Variants in LRRC37A2 observed in about 807,000 individuals in gnomAD.
LRRC37A2 encodes the protein leucine-rich repeat-containing protein 37A2.
A neutral mutation model predicts 68.8 loss-of-function variants in LRRC37A2; 9 were observed. That is an observed-to-expected ratio of 0.13 (90% CI 0.08 to 0.23). LRRC37A2 has a LOEUF of 0.23. Ranked by LOEUF, LRRC37A2 falls within the 10% of genes least tolerant of loss-of-function variation. The pLI is 1.00. For missense variants in LRRC37A2, 168 were observed against 950.4 expected (o/e 0.18, Z 10.82); for synonymous variants, 63 against 367.6 (o/e 0.17, Z 9.48).
the LRRC37A2 span, among the ~76,000 whole-genome samples, chr17:46,767,946 G>T: frequency 6.6e-6 from 1 of 152,052 alleles, no homozygotes; most frequent in African/African-American, 2.4e-5. Context: ...CTGCCACAAC[G>T]CCCGGCTAAT....
the LRRC37A2 span, among the ~76,000 whole-genome samples, chr17:46,620,774 T>TA: frequency 8.1e-4 from 3 of 3,716 alleles, no homozygotes; most frequent in Non-Finnish European, 1.1e-3. Context: ...TCAGAAATAT[T>TA]TAGCAAGTTT....
chr17:46,962,802 A>G, the LRRC37A2 span, among the ~76,000 whole-genome samples: 3,848 of 152,348 alleles, frequency 0.025, 69 homozygotes, highest in Middle Eastern at 0.089. Flanking sequence ...ATCATGAAAG[A>G]TAATGAAGTG....
At chr17:46,861,770 A>G in the LRRC37A2 span, among the ~76,000 whole-genome samples, 2 of 152,248 alleles carry the variant, frequency 1.3e-5, no homozygotes, top group African/African-American at 4.8e-5. Flanking sequence ...GGAAACTTCC[A>G]AGAGGCTGGT....
the LRRC37A2 span, chr17:46,713,896 A>G: frequency 6.2e-7 from 1 of 1,612,806 alleles, no homozygotes; most frequent in Non-Finnish European, 8.5e-7. Flanking sequence ...CAAAAATTGC[A>G]GAGGAATCCA....
At chr17:46,884,242 C>T in the LRRC37A2 span, among the ~76,000 whole-genome samples, 1 of 152,210 alleles carries the variant, frequency 6.6e-6, no homozygotes, top group African/African-American at 2.4e-5. Flanking sequence ...CCGGGGTCAC[C>T]TGACGCTGAC....
At chr17:46,914,153 ACT>A in the LRRC37A2 span, among the ~76,000 whole-genome samples, 5 of 152,034 alleles carry the variant, frequency 3.3e-5, no homozygotes, top group Non-Finnish European at 7.4e-5. Flanking sequence ...ATCTCGATGC[ACT>A]CTCATATTTT....
chr17:46,978,201 T>A, the LRRC37A2 span: 1 of 184,786 alleles, frequency 5.4e-6, no homozygotes, highest in Non-Finnish European at 1.1e-5. Context: ...ATTACAAGAT[T>A]TCTTTCCAAA....
chr17:46,917,543 C>A, the LRRC37A2 span, among the ~76,000 whole-genome samples: 2 of 152,244 alleles, frequency 1.3e-5, no homozygotes, highest in African/African-American at 2.4e-5. Flanking sequence ...TCGGTCCATG[C>A]AGCAGCTCTG....
chr17:46,770,952 G>A, the LRRC37A2 span, among the ~76,000 whole-genome samples: 7 of 152,272 alleles, frequency 4.6e-5, no homozygotes, highest in Non-Finnish European at 7.3e-5. Context: ...CCGGGAGCCG[G>A]AGGTGACTCG....
the LRRC37A2 span, among the ~76,000 whole-genome samples, chr17:46,502,491 A>G: frequency 6.6e-6 from 1 of 150,756 alleles, no homozygotes; most frequent in Non-Finnish European, 1.5e-5. Context: ...TAGTAGAGAC[A>G]GGGTTTCACC....
At chr17:46,496,938 A>C in the LRRC37A2 span, among the ~76,000 whole-genome samples, 1 of 129,810 alleles carries the variant, frequency 7.7e-6, no homozygotes. Context: ...AAAATTACTT[A>C]ATATTAATAT....
At chr17:46,533,247 A>G (rs1218458252) in intron 6 of LRRC37A2, among the ~76,000 whole-genome samples, 129 of 97,976 alleles carry the variant, frequency 1.3e-3, no homozygotes, top group Non-Finnish European at 2.1e-3. Flanking sequence ...GTGAGACCCT[A>G]TCTCTAAAAA....
the LRRC37A2 span, among the ~76,000 whole-genome samples, chr17:46,727,762 G>A: frequency 1.3e-5 from 2 of 152,154 alleles, no homozygotes; most frequent in Admixed American, 1.3e-4. Flanking sequence ...ATTGAGGTGT[G>A]TGGTCATAGC....
At chr17:46,998,170 G>T in the LRRC37A2 span, among the ~76,000 whole-genome samples, 5 of 152,120 alleles carry the variant, frequency 3.3e-5, no homozygotes, top group Non-Finnish European at 4.4e-5. Flanking sequence ...CGATATTAAA[G>T]AATAATTGTT....
chr17:46,988,598 T>C, the LRRC37A2 span, among the ~76,000 whole-genome samples: 1 of 152,146 alleles, frequency 6.6e-6, no homozygotes, highest in East Asian at 1.9e-4. Flanking sequence ...GTTCCCAGAT[T>C]TCTGGCCTTC....
chr17:46,994,553 C>T, the LRRC37A2 span, among the ~76,000 whole-genome samples: 1 of 151,986 alleles, frequency 6.6e-6, no homozygotes, highest in African/African-American at 2.4e-5. Context: ...AATCATTGAG[C>T]TGTACATTTA....
chr17:46,905,780 T>TTGTGTGTGTGTGTGTG, the LRRC37A2 span, among the ~76,000 whole-genome samples: 120 of 117,032 alleles, frequency 1.0e-3, no homozygotes, highest in African/African-American at 3.5e-3. Context: ...CTCTGTGTGT[T>TTGTGTGTGTGTGTGTG]TGTGTGTGTG....
the LRRC37A2 span, among the ~76,000 whole-genome samples, chr17:47,036,456 GTCTTATCATTTTGGC>G: frequency 3.9e-5 from 6 of 152,112 alleles, no homozygotes; most frequent in African/African-American, 1.4e-4. Context: ...TTGTCTAAGA[GTCTTATCATTTTGGC>G]TCTTACATTT....
At chr17:46,932,035 T>G in the LRRC37A2 span, 1 of 1,610,366 alleles carries the variant, frequency 6.2e-7, no homozygotes, top group South Asian at 1.1e-5. Flanking sequence ...CCTGAGTTCC[T>G]GGAATTTAAT....
Sources: gnomAD v4.1 joint callset for allele counts (sites outside exome capture counted in the v4.1 genomes callset) on GRCh38, gnomAD v4.1.1 for gene constraint, MANE v1.5 for transcripts, NCBI Gene and HGNC (gene_info 2026-07-23, HGNC 2026-07-21) for gene names.